Variants in ARF3 observed in about 807,000 individuals in gnomAD.
ARF3 encodes ADP-ribosylation factor 3.
A neutral mutation model predicts 19.3 loss-of-function variants in ARF3; 5 were observed. The ratio of observed to expected loss-of-function variants is 0.26; its 90% CI spans 0.14 to 0.54. The LOEUF is 0.54. Among genes scored for constraint, ARF3 ranks in the 20% least tolerant of loss-of-function variants. The probability of loss-of-function intolerance (pLI) is 0.95; values close to 1 mark genes in which losing one functional copy is unlikely to be tolerated. For missense variants in ARF3, 77 were observed against 234.2 expected (o/e 0.33, Z 4.38); for synonymous variants, 71 against 89.2 (o/e 0.80, Z 1.15).
intron 1 of ARF3, among the ~76,000 whole-genome samples, chr12:48,953,508 G>A (rs952696969): frequency 5.9e-5 from 9 of 152,114 alleles, no homozygotes; most frequent in African/African-American, 2.2e-4. Context: ...ATTCACGCTT[G>A]ACACTCCTGT....
At chr12:48,951,137 T>TTGTTGCC (rs1940460469) in intron 1 of ARF3, among the ~76,000 whole-genome samples, 2 of 152,224 alleles carry the variant, frequency 1.3e-5, no homozygotes, top group African/African-American at 4.8e-5. Context: ...ATAAATCCTC[T>TTGTTGCC]CAGCGTTTTA....
intron 1 of ARF3, among the ~76,000 whole-genome samples, chr12:48,949,042 A>C (rs1940415434): frequency 1.3e-5 from 2 of 152,222 alleles, no homozygotes; most frequent in African/African-American, 4.8e-5. Flanking sequence ...GATAGAGAGA[A>C]GAGGACAGAT....
In ARF3 at chr12:48,939,952, ACT is replaced by A. The variant is rs1310053893; in HGVS notation, c.259+43_259+44del. ...GCCACCCATTAACAAAGACAGCCAC[ACT>A]CTCTGCTCATACCCAACCAACCCAC... On this transcript the variant is annotated intron_variant, in intron 3 of 4. Coordinates refer to ENST00000256682, the MANE Select transcript of ARF3 (RefSeq NM_001659.3). This position sits in a 1 kb window ranked among gnomAD's most constrained non-coding sequence, Gnocchi z 4.8. 6.3e-6 allele frequency: 10 copies of A among 1,595,878 alleles called. No homozygotes were observed. The highest frequency in any genetic ancestry group is 1.7e-5 in the Admixed American group (1 of 59,924).
At chr12:48,942,739 C>T (rs1940284012) in intron 1 of ARF3, among the ~76,000 whole-genome samples, 1 of 152,218 alleles carries the variant, frequency 6.6e-6, no homozygotes, top group Admixed American at 6.5e-5. Flanking sequence ...AACTAATCCC[C>T]AGGGTCTCTA....
In ARF3 at chr12:48,939,145, G is replaced by C; in HGVS notation, c.385-37C>G. ...GGGAGACACATAAAAAGAAGCCTCA[G>C]GATTTTTTAAAGGCTTCTAGAACAC... On this transcript the variant is annotated intron_variant, in intron 4 of 4. Transcript: ENST00000256682. The surrounding 1 kb of genome is among the most constrained non-coding windows in gnomAD (Gnocchi z 4.8). 6.3e-7 allele frequency: 1 copy of C among 1,594,366 alleles called. No homozygotes were observed. The highest frequency in any genetic ancestry group is 8.6e-7 in the Non-Finnish European group (1 of 1,167,850).
chr12:48,948,552 C>T (rs1005755500), intron 1 of ARF3, among the ~76,000 whole-genome samples: 2 of 152,108 alleles, frequency 1.3e-5, no homozygotes, highest in African/African-American at 4.8e-5. Context: ...GTAGCTCACG[C>T]CTGTAATCCC....
intron 1 of ARF3, chr12:48,955,948 TA>T (rs1415124285): frequency 2.6e-5 from 4 of 152,338 alleles, no homozygotes; most frequent in African/African-American, 9.6e-5. Flanking sequence ...AATGAACTTT[TA>T]CAGACATGTT....
Position 48,936,248 on chromosome 12 carries a change from A to G in ARF3, c.*2699T>C, listed in dbSNP as rs1940139365. On this transcript the variant is annotated 3_prime_UTR_variant, in exon 5 of 5. Transcript: ENST00000256682. ...TTAATTTCCAACCAGGGTCACAGTC[A>G]TCGCGTTATCCCACATTTTGAGCAA... The G allele has an allele frequency of 6.5e-6, 1 of 152,704 alleles. No individual in the cohort carries two copies. Among genetic ancestry groups the G allele is most frequent in the African/African-American group, 2.4e-5 (1 of 41,464 alleles). 9.5% of individuals were successfully genotyped at this position (152,704 alleles called of 1,614,324 possible).
intron 1 of ARF3, among the ~76,000 whole-genome samples, chr12:48,946,479 CT>C (rs1186666062): frequency 5.9e-5 from 9 of 152,176 alleles, no homozygotes; most frequent in African/African-American, 1.9e-4. Context: ...GCAGTTAAGA[CT>C]GAAAGTGAGT....
At chr12:48,952,077 G>A (rs1592244145) in intron 1 of ARF3, among the ~76,000 whole-genome samples, 1 of 152,208 alleles carries the variant, frequency 6.6e-6, no homozygotes, top group Non-Finnish European at 1.5e-5. Context: ...AAACTAAAAC[G>A]TACCTAACTA....
chr12:48,940,845 TG>T, intron 2 of ARF3, 102 bp downstream of exon 2: 1 of 1,388,298 alleles, frequency 7.2e-7, no homozygotes. Flanking sequence ...ACAAATTGTA[TG>T]GACTTGCCTG....
rs1054376 is a variant in ARF3 at position 48,938,309 on chromosome 12, G to A, written c.*638C>T. 0.35 allele frequency: 156,944 copies of A among 446,090 alleles called. 30,267 individuals are homozygous for A. The highest frequency in any genetic ancestry group is 0.52 in the Admixed American group (21,856 of 42,160). 27.6% of individuals were successfully genotyped at this position (446,090 alleles called of 1,614,324 possible). A position where few individuals can be genotyped will look rare whatever the true frequency, so the allele number is the denominator to read the frequency against. On this transcript the variant is annotated 3_prime_UTR_variant, in exon 5 of 5. Coordinates refer to ENST00000256682, the MANE Select transcript of ARF3 (RefSeq NM_001659.3). ...AACCAGTCAAAGACTGGGGCAGTCC[G>A]GCTTGACTAATGCCCTCCCACCTTC...
rs1378522070 is a variant in ARF3 at position 48,938,975 on chromosome 12, A to G, written c.518T>C (p.Leu173Pro). 6.2e-7 allele frequency: 1 copy of G among 1,612,668 alleles called. No homozygotes were observed. The highest frequency in any genetic ancestry group is 1.1e-5 in the South Asian group (1 of 90,994). The change falls in exon 5 of 5, where the codon CTG becomes CCG. Residue 173 changes from leucine (L) to proline (P), a missense_variant. This residue lies in a region of ARF3 where 53 missense variants were observed against 121.2 expected (regional missense o/e 0.44). Coordinates refer to ENST00000256682, the MANE Select transcript of ARF3 (RefSeq NM_001659.3). ...GDGLYEGLDW[L>P]ANQLKNKK ...CTTCTTGTTTTTGAGCTGATTGGCC[A>G]GCCAGTCCAGGCCTTCGTACAGCCC...
At chr12:48,949,050 G>A (rs928394368) in intron 1 of ARF3, among the ~76,000 whole-genome samples, 16 of 152,310 alleles carry the variant, frequency 1.1e-4, no homozygotes, top group African/African-American at 3.6e-4. Context: ...GAAGAGGACA[G>A]ATTTGAAACA....
chr12:48,938,099 G>A lies in ARF3; in HGVS notation c.*848C>T, dbSNP rs910362273. The A allele has an allele frequency of 6.5e-6, 2 of 305,924 alleles. No homozygotes were observed. The highest frequency in any genetic ancestry group is 8.0e-5 in the East Asian group (1 of 12,482). 19.0% of individuals were successfully genotyped at this position (305,924 alleles called of 1,614,324 possible). On this transcript the variant is annotated 3_prime_UTR_variant, in exon 5 of 5. Coordinates refer to ENST00000256682, the MANE Select transcript of ARF3 (RefSeq NM_001659.3). ...ACACTCTAAGCTGATAAGAGTGAGT[G>A]GGTTCCTCTCTCCTTCCCAACAGTA...
In ARF3 at chr12:48,938,136, A is replaced by G. The variant is rs1158636097; in HGVS notation, c.*811T>C. On this transcript the variant is annotated 3_prime_UTR_variant, in exon 5 of 5. Coordinates refer to ENST00000256682, the MANE Select transcript of ARF3 (RefSeq NM_001659.3). ...CCTTCCCAACAGTAAGGCAGAGCAG[A>G]GTGGCATCTCCTTGGGAACAGTCAT... The G allele has an allele frequency of 9.1e-6, 3 of 330,668 alleles. No homozygotes were observed. The highest frequency in any genetic ancestry group is 1.8e-5 in the Non-Finnish European group (3 of 165,636). 20.5% of individuals were successfully genotyped at this position (330,668 alleles called of 1,614,324 possible).
chr12:48,953,701 A>C (rs375308735), intron 1 of ARF3, among the ~76,000 whole-genome samples: 1 of 152,236 alleles, frequency 6.6e-6, no homozygotes, highest in Non-Finnish European at 1.5e-5. Flanking sequence ...GATCCTTTGC[A>C]TAAGTCCATG....
At position 48,938,565 on chromosome 12, in the gene ARF3, T is replaced by G. The variant is rs1407396346; in HGVS notation, c.*382A>C. 2.4e-5 allele frequency: 11 copies of G among 457,008 alleles called. No homozygotes were observed. Among genetic ancestry groups the G allele is most frequent in the Non-Finnish European group, 3.5e-5 (8 of 228,410 alleles). The allele number at this position is 457,008 out of a possible 1,614,324, so 28.3% of individuals were successfully genotyped here. A position where few individuals can be genotyped will look rare whatever the true frequency, so the allele number is the denominator to read the frequency against. On this transcript the variant is annotated 3_prime_UTR_variant, in exon 5 of 5. Transcript: ENST00000256682. Reference sequence around the variant, plus strand: ...TGGCAAAGGAAAGGCAAACAGGGAGTAGAAGGGCTTGTGGGGACAGGGAAA... The same window carrying G: ...TGGCAAAGGAAAGGCAAACAGGGAGGAGAAGGGCTTGTGGGGACAGGGAAA...
rs950002622 is a variant in ARF3, at chr12:48,940,206, A to C, written c.149-99T>G. Reference sequence around the variant, plus strand: ...GTTCTGCTTTCCCCCAGTGGTGGCCATAACACCAACAATGGAACAAAAGCT... The same window carrying C: ...GTTCTGCTTTCCCCCAGTGGTGGCCCTAACACCAACAATGGAACAAAAGCT... On this transcript the variant is annotated intron_variant, in intron 2 of 4. Coordinates refer to ENST00000256682, the MANE Select transcript of ARF3 (RefSeq NM_001659.3). 1.3e-5 allele frequency: 13 copies of C among 963,962 alleles called. No homozygotes were observed. In the Admixed American group the frequency reaches 2.2e-4, roughly 16 times the overall value. The allele number at this position is 963,962 out of a possible 1,614,324, so 59.7% of individuals were successfully genotyped here.
Sources: gnomAD v4.1 joint callset for allele counts (sites outside exome capture counted in the v4.1 genomes callset) on GRCh38, gnomAD v4.1.1 for gene constraint, gnomAD v4.1.1 regional missense constraint, Gnocchi (gnomAD v3.1) non-coding constraint, MANE v1.5 for transcripts, NCBI Gene and HGNC (gene_info 2026-07-23, HGNC 2026-07-21) for gene names.